PCDHGA6: variants seen among roughly 807,000 people sequenced by gnomAD.
PCDHGA6 encodes the protein protocadherin gamma-A6.
Under a neutral mutation model 60.6 loss-of-function variants are expected in PCDHGA6, and 41 were observed. The ratio of observed to expected loss-of-function variants is 0.68; its 90% confidence interval spans 0.53 to 0.88. The LOEUF (loss-of-function observed/expected upper bound fraction) is 0.88. Among genes scored for constraint, PCDHGA6 ranks in the 40% least tolerant of loss-of-function variants. The pLI is 0.00. For synonymous variants in PCDHGA6, 594 were observed against 524.4 expected (o/e 1.13, Z -1.81); for missense variants, 1,312 against 1,203.0 (o/e 1.09, Z -1.34).
intron 1 of PCDHGA6, among the ~76,000 whole-genome samples, chr5:141,449,134 T>C (rs538592980): frequency 9.2e-4 from 140 of 152,242 alleles, no homozygotes; most frequent in Non-Finnish European, 1.8e-3. Context: ...AGAAATGGAA[T>C]TGAAATTGCT....
chr5:141,407,135 GA>G (rs796659459), intron 1 of PCDHGA6, among the ~76,000 whole-genome samples: 93 of 151,930 alleles, frequency 6.1e-4, no homozygotes, highest in African/African-American at 2.2e-3. Flanking sequence ...TTATTTTTAA[GA>G]AAAAAAAGCT....
chr5:141,409,341 G>C, intron 1 of PCDHGA6: 1 of 1,613,976 alleles, frequency 6.2e-7, no homozygotes, highest in Non-Finnish European at 8.5e-7. Flanking sequence ...GGAGGAAATG[G>C]AGAAGTCAGG....
chr5:141,399,713 A>C (rs1353862646), intron 1 of PCDHGA6: 1 of 1,613,326 alleles, frequency 6.2e-7, no homozygotes, highest in Non-Finnish European at 8.5e-7. Context: ...CTCACACTAC[A>C]GGCCCGCGAC....
chr5:141,374,690 G>A lies in PCDHGA6; in HGVS notation c.607G>A (p.Glu203Lys), dbSNP rs758543198. The A allele has an allele frequency of 6.2e-7, 1 of 1,609,720 alleles. No homozygotes were observed. Among genetic ancestry groups the A allele is most frequent in the Non-Finnish European group, 8.5e-7 (1 of 1,177,812 alleles). Residue 203 changes from glutamate (E) to lysine (K), a missense_variant, in exon 1 of 4, where the codon GAA (glutamate) becomes AAA (lysine). Physicochemically the swap from Glu to Lys is moderately conservative, Grantham distance 56. Coordinates refer to ENST00000517434, the MANE Select transcript of PCDHGA6 (RefSeq NM_018919.3). Reference protein sequence around the residue: ...ELVLEGTLDREGEAVYRLVLT... With the variant: ...ELVLEGTLDRKGEAVYRLVLT... ...GGTGCTGGAGGGCACACTGGACCGG[G>A]AAGGAGAAGCCGTTTACCGCCTGGT...
chr5:141,470,872 T>G, intron 1 of PCDHGA6, among the ~76,000 whole-genome samples: 1 of 151,814 alleles, frequency 6.6e-6, no homozygotes, highest in East Asian at 1.9e-4. Context: ...GTTTGTTTGT[T>G]TTTTTGTTTT....
At chr5:141,478,567 C>T (rs371741874) in intron 1 of PCDHGA6, 20 of 1,593,698 alleles carry the variant, frequency 1.3e-5, no homozygotes, top group Non-Finnish European at 1.7e-5. Flanking sequence ...GCAAGTCATG[C>T]TTGACCCTGT....
At chr5:141,423,885 A>G in intron 1 of PCDHGA6, 6 of 1,277,816 alleles carry the variant, frequency 4.7e-6, no homozygotes, top group Non-Finnish European at 5.9e-6. Flanking sequence ...ATCTTGGCAT[A>G]TTTTCTTTTG....
chr5:141,405,037 G>C (rs756524085), intron 1 of PCDHGA6: 5 of 1,613,856 alleles, frequency 3.1e-6, no homozygotes, highest in Non-Finnish European at 4.2e-6. Flanking sequence ...ACCTCGTTGT[G>C]GCTGTGGCAG....
Position 141,376,392 on chromosome 5 carries a change from TC to T in PCDHGA6, c.2314del (p.Gln772SerfsTer21), listed in dbSNP as rs1163075559. ...GACTCGCGTAAGAGTCATCTGATTT[TC>T]CCCCAGCCCAACTATGCCGACACGC... Reference protein sequence around the residue: ...TADSRKSHLIFPQPNYADTLI... With the variant: ...TADSRKSHLIXPQPNYADTLI... On this transcript the variant is annotated frameshift_variant, in exon 1 of 4. Transcript: ENST00000517434. LOFTEE classifies it high-confidence loss of function. 3.1e-6 allele frequency: 5 copies of T among 1,614,092 alleles called. No homozygotes were observed. The highest frequency in any genetic ancestry group is 4.2e-6 in the Non-Finnish European group (5 of 1,180,010).
chr5:141,434,253 G>C (rs979768901), intron 1 of PCDHGA6, among the ~76,000 whole-genome samples: 9 of 152,198 alleles, frequency 5.9e-5, no homozygotes, highest in Non-Finnish European at 1.3e-4. Flanking sequence ...CTTGGGCATT[G>C]TGGGGGAGGT....
intron 1 of PCDHGA6, among the ~76,000 whole-genome samples, chr5:141,401,128 G>C (rs1271194736): frequency 6.6e-6 from 1 of 152,166 alleles, no homozygotes; most frequent in African/African-American, 2.4e-5. Context: ...TGGATCACAT[G>C]GTCAGGAGTT....
intron 1 of PCDHGA6, among the ~76,000 whole-genome samples, chr5:141,447,724 A>T (rs2098549653): frequency 6.6e-6 from 1 of 152,126 alleles, no homozygotes. Flanking sequence ...ATTTTCCAAA[A>T]CTCATTGAAC....
intron 1 of PCDHGA6, chr5:141,422,754 C>T: frequency 1.2e-6 from 2 of 1,612,450 alleles, no homozygotes; most frequent in Non-Finnish European, 1.7e-6. Flanking sequence ...TCTCTATTAA[C>T]TCCAACACTG....
chr5:141,422,838 C>G, intron 1 of PCDHGA6: 3 of 1,614,252 alleles, frequency 1.9e-6, no homozygotes, highest in African/African-American at 2.7e-5. Flanking sequence ...TAGCACGTGA[C>G]AGCGGGGACC....
rs756658304 is a variant in PCDHGA6, at chr5:141,485,531, G to C, written c.2425-9276G>C. 6.8e-6 allele frequency: 11 copies of C among 1,614,218 alleles called. No homozygotes were observed. In the Admixed American group the frequency reaches 1.5e-4, roughly 22 times the overall value. On this transcript the variant is annotated intron_variant, in intron 1 of 3. Transcript: ENST00000517434. This position sits in a 1 kb window ranked among gnomAD's most constrained non-coding sequence, Gnocchi z 5.7. ...AGGTCCTTTGGAAATGTACCGAGCA[G>C]AGGTAGAGATCGTAGATGTGAATGA... is the stretch of plus-strand genomic sequence containing the variant.
chr5:141,374,190 C>T lies in PCDHGA6; in HGVS notation c.107C>T (p.Pro36Leu). The part of the protein sequence containing the change: ...AAAAQIRYSI[P>L]EELEKGSFVG... The stretch of plus-strand genomic sequence containing the variant: ...GCAGCGCAGATCCGCTACTCTATTC[C>T]CGAGGAGCTGGAGAAAGGCTCCTTC... Residue 36 changes from proline (P) to leucine (L), a missense_variant, in exon 1 of 4, where the codon CCC becomes CTC. Physicochemically the swap from Pro to Leu is moderately conservative, Grantham distance 98. Coordinates refer to ENST00000517434, the MANE Select transcript of PCDHGA6 (RefSeq NM_018919.3). 1 of 1,613,820 alleles carries T rather than the reference C, an allele frequency of 6.2e-7. No individual in the cohort carries two copies. The highest frequency in any genetic ancestry group is 8.5e-7 in the Non-Finnish European group (1 of 1,179,880).
chr5:141,382,167 G>A (rs1003056701), intron 1 of PCDHGA6, among the ~76,000 whole-genome samples: 7 of 152,038 alleles, frequency 4.6e-5, no homozygotes, highest in African/African-American at 1.7e-4. Context: ...GAAGGTGTTA[G>A]ACCGTCTCTA....
At position 141,512,644 on chromosome 5, in the gene PCDHGA6, G is replaced by T. The variant is rs1283774989; in HGVS notation, c.*1471G>T. Reference sequence around the variant, plus strand: ...ACCCCAGACCTGCCCTTACAGTAGTGTAGCGCCCCCTCCCTCTTTCGGCTG... The same window carrying T: ...ACCCCAGACCTGCCCTTACAGTAGTTTAGCGCCCCCTCCCTCTTTCGGCTG... On this transcript the variant is annotated 3_prime_UTR_variant, in exon 4 of 4. Coordinates refer to ENST00000517434, the MANE Select transcript of PCDHGA6 (RefSeq NM_018919.3). 1 of 152,528 alleles carries T rather than the reference G, an allele frequency of 6.6e-6. No individual in the cohort carries two copies. The allele number at this position is 152,528 out of a possible 1,614,324, so 9.4% of individuals were successfully genotyped here.
Position 141,491,458 on chromosome 5 carries a change from G to C in PCDHGA6, c.2425-3349G>C. 1 of 1,614,092 alleles carries C rather than the reference G, an allele frequency of 6.2e-7. No individual in the cohort carries two copies. The highest frequency in any genetic ancestry group is 8.5e-7 in the Non-Finnish European group (1 of 1,180,022). On this transcript the variant is annotated intron_variant, in intron 1 of 3. Coordinates refer to ENST00000517434, the MANE Select transcript of PCDHGA6 (RefSeq NM_018919.3). The surrounding 1 kb of genome is among the most constrained non-coding windows in gnomAD (Gnocchi z 6.9). Reference sequence around the variant, plus strand: ...CAGGCGCCAGGACTCACCCTCCCCGGACTTCTATAAGCAGTCCAGCCCCAA... The same window carrying C: ...CAGGCGCCAGGACTCACCCTCCCCGCACTTCTATAAGCAGTCCAGCCCCAA...
Sources: allele counts gnomAD v4.1 joint callset (sites outside exome capture counted in the v4.1 genomes callset), GRCh38; gene constraint gnomAD v4.1.1; non-coding constraint Gnocchi (gnomAD v3.1); transcripts MANE v1.5; gene names NCBI Gene and HGNC (gene_info 2026-07-23, HGNC 2026-07-21).